LYST: variants seen among roughly 807,000 people sequenced by gnomAD.
LYST encodes the protein lysosomal-trafficking regulator.
LYST carries 192 observed loss-of-function variants against 413.6 expected under a neutral mutation model. The observed-to-expected ratio is 0.46, with a 90% CI of 0.41 to 0.52. The LOEUF is 0.52. Among genes scored for constraint, LYST ranks in the 20% least tolerant of loss-of-function variants. The pLI is 0.00. For missense variants in LYST, 3,815 were observed against 4,499.9 expected, an observed-to-expected ratio of 0.85 and a Z score of 4.35; for synonymous variants, 1,525 against 1,567.3, an observed-to-expected ratio of 0.97 and a Z score of 0.64.
At chr1:235,787,639 T>C (rs1670564726) in intron 13 of LYST, among the ~76,000 whole-genome samples, 1 of 152,004 alleles carries the variant, frequency 6.6e-6, no homozygotes, top group Non-Finnish European at 1.5e-5. Context: ...ATTCAGTTTG[T>C]AAAAAAATAT....
intron 1 of LYST, among the ~76,000 whole-genome samples, chr1:235,837,998 CGAA>C (rs1302465918): frequency 2.0e-5 from 3 of 151,848 alleles, no homozygotes; most frequent in African/African-American, 7.3e-5. Flanking sequence ...GTAGGCAAAA[CGAA>C]GAAGACCAAC....
At chr1:235,772,659 C>G (rs12075741) in intron 19 of LYST, among the ~76,000 whole-genome samples, 5,639 of 152,198 alleles carry the variant, frequency 0.037, 349 homozygotes, top group African/African-American at 0.13. Context: ...TTTGTACTTA[C>G]GATGAAGCCT....
At chr1:235,695,932 G>T (rs951615111) in intron 46 of LYST, among the ~76,000 whole-genome samples, 2 of 152,062 alleles carry the variant, frequency 1.3e-5, no homozygotes, top group Non-Finnish European at 2.9e-5. Context: ...ACCGCACCCA[G>T]CCTACTGTAC....
chr1:235,809,794 C>A lies in LYST; in HGVS notation c.1024G>T (p.Ala342Ser). Residue 342 changes from alanine to serine, a missense_variant, in exon 5 of 53, where the codon GCA becomes TCA. Around this residue, in one of 4 missense-constraint regions of LYST, gnomAD observed 1,648 missense variants for 1,810.3 expected, o/e 0.91. Coordinates refer to ENST00000389793, the MANE Select transcript of LYST (RefSeq NM_000081.4). This position sits in a 1 kb window ranked among gnomAD's most constrained non-coding sequence, Gnocchi z 4.0. ...LHLLSVDVST[A>S]EMMPENLRKN... is the part of the protein sequence containing the mutation. ...CTAAGATTTTCTGGCATCATCTCTG[C>A]AGTACTAACATCTACTGACAGAAGA... is the stretch of plus-strand genomic sequence containing the variant. The A allele has an allele frequency of 6.2e-7, 1 of 1,614,002 alleles. No homozygotes were observed.
chr1:235,703,396 A>G (rs1199094523), intron 44 of LYST, among the ~76,000 whole-genome samples: 1 of 152,234 alleles, frequency 6.6e-6, no homozygotes, highest in African/African-American at 2.4e-5. Flanking sequence ...CCAAAAGAGC[A>G]GCAATGAAAA....
At chr1:235,849,584 T>C (rs529090215) in intron 1 of LYST, among the ~76,000 whole-genome samples, 1 of 152,060 alleles carries the variant, frequency 6.6e-6, no homozygotes, top group East Asian at 1.9e-4. Flanking sequence ...ACTTTCACTG[T>C]TTGCTGATGA....
chr1:235,830,538 G>A lies in LYST; in HGVS notation c.-7-114C>T, dbSNP rs990199714. 7.4e-5 allele frequency: 61 copies of A among 825,062 alleles called. No homozygotes were observed. The African/African-American group carries it at 9.1e-4, about 12-fold the overall frequency. The allele number at this position is 825,062 out of a possible 1,614,324, so 51.1% of individuals were successfully genotyped here. On this transcript the variant is annotated intron_variant, in intron 2 of 52. Coordinates refer to ENST00000389793, the MANE Select transcript of LYST (RefSeq NM_000081.4). ...ACTGAAGATTGGCTTAAAATTACTG[G>A]AAATTGGTACTTAACCCTATAATAT...
rs1052862554 is a variant in LYST, at chr1:235,866,861, G to A, written c.-116C>T. The A allele has an allele frequency of 1.3e-5, 2 of 153,092 alleles. No individual in the cohort carries two copies. The highest frequency in any genetic ancestry group is 4.8e-5 in the African/African-American group (2 of 41,346). The allele number at this position is 153,092 out of a possible 1,614,324, so 9.5% of individuals were successfully genotyped here. ...CCTTTACCTGGTTTGTGGCAGCTGC[G>A]GCCGCCGCGCACTCCCCCTCTCCCG... is the stretch of plus-strand genomic sequence containing the variant. On this transcript the variant is annotated 5_prime_UTR_variant, in exon 1 of 53. Transcript: ENST00000389793.
intron 47 of LYST, among the ~76,000 whole-genome samples, chr1:235,692,583 C>A (rs1031357972): frequency 3.3e-5 from 5 of 151,856 alleles, no homozygotes; most frequent in African/African-American, 7.3e-5. Context: ...GGGTTTTCCC[C>A]GTGTTGGCCA....
chr1:235,752,649 G>A (rs1666616102), intron 26 of LYST, among the ~76,000 whole-genome samples: 1 of 151,946 alleles, frequency 6.6e-6, no homozygotes, highest in African/African-American at 2.4e-5. Flanking sequence ...GACTAAAAGA[G>A]GTAATAGATT....
At chr1:235,740,406 C>T (rs1185253337) in intron 31 of LYST, among the ~76,000 whole-genome samples, 1 of 152,066 alleles carries the variant, frequency 6.6e-6, no homozygotes, top group African/African-American at 2.4e-5. Flanking sequence ...AACCTCTTTC[C>T]AGTCAATTCC....
chr1:235,828,757 T>A, intron 3 of LYST: 2 of 912,188 alleles, frequency 2.2e-6, no homozygotes, highest in Non-Finnish European at 2.6e-6. Context: ...ATGGTGTACA[T>A]ATTAAATAAT....
rs140846237 is a variant in LYST, at chr1:235,838,856, A to G, written c.-97-5189T>C. ...TGTAGATCATTCTCCATGTCAGAGA[A>G]GAGAAGAAAGCTAAGAAATTTCATT... On this transcript the variant is annotated intron_variant, in intron 1 of 52. Transcript: ENST00000389793. Among the ~76,000 whole-genome samples, 55 of 151,330 alleles carry G rather than the reference A, an allele frequency of 3.6e-4. No homozygotes were observed. The East Asian group carries it at 1.0e-2, about 27-fold the overall frequency.
chr1:235,706,392 T>C (rs1436257692), intron 44 of LYST, among the ~76,000 whole-genome samples: 1 of 152,164 alleles, frequency 6.6e-6, no homozygotes, highest in African/African-American at 2.4e-5. Context: ...GTCCTGCTAT[T>C]CCCCTGGTTA....
intron 1 of LYST, among the ~76,000 whole-genome samples, chr1:235,841,665 T>C (rs1201203023): frequency 6.6e-6 from 1 of 151,852 alleles, no homozygotes; most frequent in Non-Finnish European, 1.5e-5. Context: ...TAAGTGTGGA[T>C]TGGATCAAGG....
intron 1 of LYST, chr1:235,839,621 C>CCCCA (rs987815204): frequency 6.6e-6 from 1 of 150,982 alleles, no homozygotes; most frequent in Admixed American, 6.6e-5. Flanking sequence ...CGGAGAACCC[C>CCCCA]CCCCACCACG....
At position 235,824,492 on chromosome 1, in the gene LYST, C is replaced by G. The variant is rs146967953; in HGVS notation, c.192+5734G>C. Among the ~76,000 whole-genome samples, 195 of 152,244 alleles carry G rather than the reference C, an allele frequency of 1.3e-3. 3 individuals carry two copies. The East Asian group carries it at 0.03, about 23-fold the overall frequency. On this transcript the variant is annotated intron_variant, in intron 3 of 52. Coordinates refer to ENST00000389793, the MANE Select transcript of LYST (RefSeq NM_000081.4). Reference sequence around the variant, plus strand: ...ATGTTACTGATGAGGACACTGTGCTCTGGAGCAATTAAGTGACTAAAGTCA... The same window carrying G: ...ATGTTACTGATGAGGACACTGTGCTGTGGAGCAATTAAGTGACTAAAGTCA...
At chr1:235,819,148 C>T (rs1316902092) in intron 3 of LYST, among the ~76,000 whole-genome samples, 2 of 152,240 alleles carry the variant, frequency 1.3e-5, no homozygotes, top group Admixed American at 6.5e-5. Flanking sequence ...GGGCATCCCA[C>T]ACCACCCTGA....
In LYST at chr1:235,810,345, G is replaced by T; in HGVS notation, c.473C>A (p.Ala158Glu). 1.2e-6 allele frequency: 2 copies of T among 1,614,026 alleles called. No homozygotes were observed. The highest frequency in any genetic ancestry group is 1.7e-6 in the Non-Finnish European group (2 of 1,179,902). Residue 158 changes from alanine to glutamate, a missense_variant, in exon 5 of 53, where the codon GCA becomes GAA. Physicochemically the swap from Ala to Glu is moderately radical, Grantham distance 107. Coordinates refer to ENST00000389793, the MANE Select transcript of LYST (RefSeq NM_000081.4). ...KITHRYSVRD[A>E]RKTQLSTSDS... is the part of the protein sequence containing the mutation. ...TGAGGTGGAGAGCTGTGTCTTTCTT[G>T]CATCTCTTACAGAATAGCGATGGGT...
Sources: allele counts gnomAD v4.1 joint callset (sites outside exome capture counted in the v4.1 genomes callset), GRCh38; gene constraint gnomAD v4.1.1; regional missense constraint gnomAD v4.1.1; non-coding constraint Gnocchi (gnomAD v3.1); transcripts MANE v1.5; gene names NCBI Gene and HGNC (gene_info 2026-07-23, HGNC 2026-07-21).